The following MYO5C variants were observed in gnomAD, a reference collection of about 807,000 sequenced individuals.
The protein encoded by MYO5C is myosin VC.
MYO5C carries 194 observed loss-of-function variants against 235.7 expected under a neutral mutation model. That is an observed-to-expected ratio of 0.82 (90% CI 0.73 to 0.93). MYO5C has a LOEUF of 0.93. MYO5C is among the 40% of genes least tolerant of loss of function. MYO5C has a pLI of 0.00. For synonymous variants in MYO5C, 707 were observed against 754.8 expected (o/e 0.94, Z 1.04); for missense variants, 2,038 against 2,127.2 (o/e 0.96, Z 0.82).
At chr15:52,275,819 T>A (rs1325406041) in intron 4 of MYO5C, 101 bp from the exon 5 acceptor site, 2 of 1,126,452 alleles carry the variant, frequency 1.8e-6, no homozygotes, top group African/African-American at 3.1e-5. Flanking sequence ...GGGAAACTGT[T>A]TTGTCACTCT....
At position 52,205,115 on chromosome 15, in the gene MYO5C, C is replaced by A. The variant is rs1566960774; in HGVS notation, c.4570G>T (p.Gly1524Cys). 1 of 1,614,158 alleles carries A rather than the reference C, an allele frequency of 6.2e-7. No individual in the cohort carries two copies. The highest frequency in any genetic ancestry group is 2.2e-5 in the East Asian group (1 of 44,876). ...CCTGTGGGCTTCAGGCCGGAAATGC[C>A]CTGCAGGCTCTCATACTCCAGCATT... Reference protein sequence around the residue: ...PGMLEYESLQGISGLKPTGFR... With the variant: ...PGMLEYESLQCISGLKPTGFR... The change falls in exon 38 of 41, where the codon GGC (glycine) becomes TGC (cysteine). Residue 1524 changes from glycine to cysteine, a missense_variant. Gly to Cys is a radical substitution (Grantham distance 159). Transcript: ENST00000261839.
In MYO5C at chr15:52,235,754, T is replaced by C. The variant is rs55753304; in HGVS notation, c.2878A>G (p.Lys960Glu). The C allele has an allele frequency of 0.02, 32,141 of 1,607,764 alleles. 385 individuals are homozygous for C. The highest frequency in any genetic ancestry group is 0.023 in the Non-Finnish European group (26,690 of 1,176,436). ...AGTTCTGAATTATGCTTCTGAAGCT[T>C]TGCCAATTTCTAGCAGAGGGAAGGG... is the stretch of plus-strand genomic sequence containing the variant. ...YRDAVEEKLA[K>E]LQKHNSELET... Residue 960 changes from lysine to glutamate, a missense_variant, in exon 23 of 41, where the codon AAG becomes GAG. Transcript: ENST00000261839.
chr15:52,237,733 C>T, intron 21 of MYO5C, 87 bp from the exon 22 acceptor site: 1 of 1,356,794 alleles, frequency 7.4e-7, no homozygotes, highest in Non-Finnish European at 1.0e-6. Context: ...GACACAGCAT[C>T]CAAATTTGAG....
Position 52,245,392 on chromosome 15 carries a change from T to G in MYO5C, c.2140A>C (p.Lys714Gln). The change falls in exon 18 of 41, where the codon AAG (lysine) becomes CAG (glutamine). Residue 714 changes from lysine (K) to glutamine (Q), a missense_variant. Physicochemically the swap from Lys to Gln is moderately conservative, Grantham distance 53 (BLOSUM62 1). Transcript: ENST00000261839. ...TGTAAAACCACCTTGCACACCTCCT[T>G]TTTATCGCTGAAGGAAAGCTCTTGC... ...TKQELSFSDK[K>Q]EVCKVVLHRL... 2 of 1,614,146 alleles carry G rather than the reference T, an allele frequency of 1.2e-6. No homozygotes were observed. The highest frequency in any genetic ancestry group is 2.2e-5 in the East Asian group (1 of 44,880).
intron 34 of MYO5C, 63 bp from the exon 35 acceptor site, chr15:52,211,947 G>A (rs2035451098): frequency 2.6e-6 from 4 of 1,537,238 alleles, no homozygotes; most frequent in Admixed American, 1.9e-5. Flanking sequence ...TAAGGAACTT[G>A]TGACTAGGGG....
chr15:52,295,466 C>T lies in MYO5C; in HGVS notation c.27+144G>A, dbSNP rs1467902142. The stretch of plus-strand genomic sequence containing the variant: ...GGTCCCCGTGGCCCCTCCGCGGCGC[C>T]TCCGCGGCCCCCAGCGCGCGCCCGC... On this transcript the variant is annotated intron_variant, in intron 1 of 40. Coordinates refer to ENST00000261839, the MANE Select transcript of MYO5C (RefSeq NM_018728.4). 4.2e-6 allele frequency: 4 copies of T among 959,566 alleles called. No individual in the cohort carries two copies. The African/African-American group carries it at 7.0e-5, about 17-fold the overall frequency. 59.4% of individuals were successfully genotyped at this position (959,566 alleles called of 1,614,324 possible).
rs774282653 is a variant in MYO5C, at chr15:52,261,126, T to C, written c.1049A>G (p.Glu350Gly). The C allele has an allele frequency of 6.2e-7, 1 of 1,613,244 alleles. No individual in the cohort carries two copies. The highest frequency in any genetic ancestry group is 1.3e-5 in the African/African-American group (1 of 75,008). ...AVGNERSSVS[E>G]DDSHLKVFCE... ...GAACACCTTCAGGTGACTGTCATCC[T>C]CCTTCAAAAACAAGCACAAGCCCCG... The change falls in exon 10 of 41, where the codon GAG becomes GGG. Residue 350 changes from glutamate (E) to glycine (G), a missense_variant and splice_region_variant. Coordinates refer to ENST00000261839, the MANE Select transcript of MYO5C (RefSeq NM_018728.4).
At chr15:52,257,572 T>G (rs2036610412) in intron 10 of MYO5C, among the ~76,000 whole-genome samples, 1 of 152,198 alleles carries the variant, frequency 6.6e-6, no homozygotes, top group African/African-American at 2.4e-5. Context: ...CCTGGCCAGA[T>G]GAGCTCCTGC....
chr15:52,271,189 T>TTCAG (rs1277771760), intron 7 of MYO5C, among the ~76,000 whole-genome samples: 1 of 152,096 alleles, frequency 6.6e-6, no homozygotes, highest in Non-Finnish European at 1.5e-5. Context: ...GGAGGTCTTA[T>TTCAG]TCAGGTGGTT....
chr15:52,224,566 G>C (rs1200724419), intron 28 of MYO5C, among the ~76,000 whole-genome samples: 2 of 152,122 alleles, frequency 1.3e-5, no homozygotes, highest in East Asian at 3.8e-4. Flanking sequence ...TAAAACTGCT[G>C]TGAAAAATAA....
At chr15:52,209,700 T>A (rs2035401635) in intron 35 of MYO5C, among the ~76,000 whole-genome samples, 1 of 152,232 alleles carries the variant, frequency 6.6e-6, no homozygotes, top group African/African-American at 2.4e-5. Flanking sequence ...AATGCCAGCT[T>A]GTCTTAAGAA....
At chr15:52,248,639 T>A in intron 14 of MYO5C, 61 bp downstream of exon 14, 1 of 1,172,572 alleles carries the variant, frequency 8.5e-7, no homozygotes, top group East Asian at 2.3e-5. Flanking sequence ...TCTTTCCTTA[T>A]ATACATCTAG....
rs1245581820 is a variant in MYO5C, at chr15:52,286,270, G to C, written c.28-3378C>G. Among the ~76,000 whole-genome samples, 16 of 151,292 alleles carry C rather than the reference G, an allele frequency of 1.1e-4. No homozygotes were observed. The South Asian group carries it at 3.1e-3, about 30-fold the overall frequency. Reference sequence around the variant, plus strand: ...AGCCGCCTCGTCTGGGAGGGAGGTGGGGGTCAGCCCCCCGCCCGGCCAGCC... The same window carrying C: ...AGCCGCCTCGTCTGGGAGGGAGGTGCGGGTCAGCCCCCCGCCCGGCCAGCC... On this transcript the variant is annotated intron_variant, in intron 1 of 40. Coordinates refer to ENST00000261839, the MANE Select transcript of MYO5C (RefSeq NM_018728.4).
chr15:52,285,034 T>C (rs899020817), intron 1 of MYO5C, among the ~76,000 whole-genome samples: 1 of 152,050 alleles, frequency 6.6e-6, no homozygotes, highest in South Asian at 2.1e-4. Context: ...TGCATTATGC[T>C]TAACATGTTC....
intron 19 of MYO5C, 158 bp from the exon 20 acceptor site, chr15:52,242,371 T>G (rs1266868459): frequency 1.3e-6 from 1 of 747,748 alleles, no homozygotes; most frequent in Non-Finnish European, 2.2e-6. Context: ...AATGCCTACT[T>G]GAGGCCAGTC....
intron 32 of MYO5C, among the ~76,000 whole-genome samples, chr15:52,215,808 C>G (rs2141279501): frequency 6.6e-6 from 1 of 152,222 alleles, no homozygotes; most frequent in South Asian, 2.1e-4. Flanking sequence ...CTACATTTTT[C>G]TCTAGTTATA....
At chr15:52,232,144 G>T (rs2035965342) in intron 24 of MYO5C, among the ~76,000 whole-genome samples, 1 of 56,596 alleles carries the variant, frequency 1.8e-5, no homozygotes, top group East Asian at 2.0e-4. Context: ...AAAAGGAGAG[G>T]AAGGAAAGGA....
intron 6 of MYO5C, 131 bp from the exon 7 acceptor site, chr15:52,271,975 T>G: frequency 6.2e-6 from 3 of 482,036 alleles, no homozygotes; most frequent in Admixed American, 3.7e-5. Flanking sequence ...ATCTGGCCAG[T>G]TCACAAGCAG....
chr15:52,265,657 G>A (rs1231753995), intron 8 of MYO5C, among the ~76,000 whole-genome samples: 3 of 151,298 alleles, frequency 2.0e-5, no homozygotes, highest in South Asian at 2.1e-4. Context: ...TCCCACCTCC[G>A]CCTCCTGAGT....
Sources: allele counts gnomAD v4.1 joint callset (sites outside exome capture counted in the v4.1 genomes callset), GRCh38; gene constraint gnomAD v4.1.1; transcripts MANE v1.5; gene names NCBI Gene and HGNC (gene_info 2026-07-23, HGNC 2026-07-21).